Variants in CIMIP1 observed in about 807,000 individuals in gnomAD.
CIMIP1 encodes low in lung cancer 1.
the CIMIP1 span, chr20:58,160,677 C>A: frequency 5.9e-5 from 95 of 1,613,906 alleles, no homozygotes; most frequent in Non-Finnish European, 3.1e-5. Flanking sequence ...CCATCCCCCC[C>A]AGTCCCACAG....
At chr20:58,151,850 GTA>G in the CIMIP1 span, among the ~76,000 whole-genome samples, 42 of 152,188 alleles carry the variant, frequency 2.8e-4, 1 homozygote, top group Non-Finnish European at 1.5e-5. Flanking sequence ...TCTAAAAGAT[GTA>G]TGTCTAGCAG....
At chr20:58,159,529 A>G in the CIMIP1 span, among the ~76,000 whole-genome samples, 2 of 152,128 alleles carry the variant, frequency 1.3e-5, no homozygotes, top group African/African-American at 2.4e-5. Context: ...AAGGAAAAAA[A>G]AAAAAAGATA....
the CIMIP1 span, among the ~76,000 whole-genome samples, chr20:58,151,357 A>C: frequency 6.6e-6 from 1 of 151,546 alleles, no homozygotes; most frequent in African/African-American, 2.4e-5. Context: ...TTTTTCTTCA[A>C]ATCTCAGCAT....
chr20:58,151,131 A>G, the CIMIP1 span: 1 of 1,181,998 alleles, frequency 8.5e-7, no homozygotes, highest in Middle Eastern at 1.9e-4. Context: ...GAAGTGATCG[A>G]CCACTAAACT....
At chr20:58,160,709 T>G in the CIMIP1 span, 1 of 1,614,106 alleles carries the variant, frequency 6.2e-7, no homozygotes, top group South Asian at 1.1e-5. Flanking sequence ...CTTCATCGGC[T>G]GGAGATCTGC....
chr20:58,154,018 G>A, the CIMIP1 span, among the ~76,000 whole-genome samples: 2 of 152,226 alleles, frequency 1.3e-5, no homozygotes, highest in African/African-American at 4.8e-5. Flanking sequence ...CTGTAAAGTG[G>A]GATGAGAGTC....
At chr20:58,155,446 A>G in the CIMIP1 span, 2 of 1,582,630 alleles carry the variant, frequency 1.3e-6, no homozygotes, top group African/African-American at 2.7e-5. Flanking sequence ...AAGACTTCCC[A>G]TCTCTGGGGA....
At chr20:58,155,104 C>T in the CIMIP1 span, among the ~76,000 whole-genome samples, 9 of 152,232 alleles carry the variant, frequency 5.9e-5, no homozygotes, top group Admixed American at 6.5e-5. Context: ...CCACACTCAA[C>T]CCTTTTTGGC....
the CIMIP1 span, among the ~76,000 whole-genome samples, chr20:58,151,863 A>G: frequency 1.3e-5 from 2 of 152,194 alleles, no homozygotes; most frequent in Non-Finnish European, 2.9e-5. Flanking sequence ...TGTCTAGCAG[A>G]CATTTGTCGT....
At chr20:58,152,764 CTTATG>C in the CIMIP1 span, among the ~76,000 whole-genome samples, 1 of 138,098 alleles carries the variant, frequency 7.2e-6, no homozygotes, top group Non-Finnish European at 1.6e-5. Flanking sequence ...CCTGTTTATT[CTTATG>C]TTCTTTTTAA....
the CIMIP1 span, chr20:58,155,646 G>A: frequency 8.6e-7 from 1 of 1,160,182 alleles, no homozygotes. Context: ...AGTGGAAACT[G>A]ATGGCTCCAG....
chr20:58,154,449 T>A, the CIMIP1 span, among the ~76,000 whole-genome samples: 1 of 152,176 alleles, frequency 6.6e-6, no homozygotes, highest in Non-Finnish European at 1.5e-5. Context: ...CTCTCAAACT[T>A]CAGGACAGAA....
the CIMIP1 span, among the ~76,000 whole-genome samples, chr20:58,157,268 C>T: frequency 6.6e-6 from 1 of 152,112 alleles, no homozygotes; most frequent in African/African-American, 2.4e-5. Context: ...ATCTTACTTC[C>T]ACTGCAGCCC....
chr20:58,151,440 G>A, the CIMIP1 span, among the ~76,000 whole-genome samples: 5 of 151,888 alleles, frequency 3.3e-5, no homozygotes, highest in South Asian at 1.0e-3. Flanking sequence ...TTGAGATGGA[G>A]TCCTGCTCTA....
chr20:58,160,775 G>T, the CIMIP1 span: 60 of 1,613,840 alleles, frequency 3.7e-5, no homozygotes, highest in Non-Finnish European at 5.0e-5. Flanking sequence ...AAGCTGCAAA[G>T]GTGCTTTTGC....
chr20:58,158,249 C>G, the CIMIP1 span, among the ~76,000 whole-genome samples: 1 of 152,338 alleles, frequency 6.6e-6, no homozygotes, highest in Middle Eastern at 3.4e-3. Context: ...TAAAGCCACA[C>G]TCACCAGACA....
At chr20:58,152,478 C>T in the CIMIP1 span, among the ~76,000 whole-genome samples, 2 of 151,748 alleles carry the variant, frequency 1.3e-5, no homozygotes, top group Admixed American at 1.3e-4. Flanking sequence ...CAGTGGCTCA[C>T]ACCTGTAATC....
At chr20:58,161,054 T>G in the CIMIP1 span, 1 of 372,080 alleles carries the variant, frequency 2.7e-6, no homozygotes, top group Non-Finnish European at 4.7e-6. Context: ...TGAATAAGGC[T>G]TCTCTCATTT....
At chr20:58,160,626 C>A in the CIMIP1 span, 1 of 1,597,378 alleles carries the variant, frequency 6.3e-7, no homozygotes, top group South Asian at 1.1e-5. Flanking sequence ...TCTCTGTGGC[C>A]GAAGGTCACT....
Sources: gnomAD v4.1 joint callset for allele counts (sites outside exome capture counted in the v4.1 genomes callset) on GRCh38, gnomAD v4.1.1 for gene constraint, MANE v1.5 for transcripts, NCBI Gene and HGNC (gene_info 2026-07-23, HGNC 2026-07-21) for gene names.